Variants in SCD5 observed in about 807,000 individuals in gnomAD.
SCD5 encodes acyl-CoA-desaturase 4.
Under a neutral mutation model 30.4 loss-of-function variants are expected in SCD5, and 20 were observed. That is an observed-to-expected ratio of 0.66 (90% CI 0.46 to 0.96). The LOEUF is 0.96. Ranked by LOEUF, SCD5 falls within the 40% of genes least tolerant of loss-of-function variation. The pLI is 0.00. For synonymous variants in SCD5, 173 were observed against 176.4 expected (o/e 0.98, Z 0.16); for missense variants, 381 against 443.3 (o/e 0.86, Z 1.26).
intron 2 of SCD5, among the ~76,000 whole-genome samples, chr4:82,704,719 GA>G (rs34270773): frequency 0.053 from 8,040 of 152,282 alleles, 284 homozygotes; most frequent in East Asian, 0.12. Flanking sequence ...ACTTCAGATG[GA>G]ATAGTCTTTC....
chr4:82,728,513 T>G (rs774004256), intron 1 of SCD5, among the ~76,000 whole-genome samples: 1 of 152,204 alleles, frequency 6.6e-6, no homozygotes, highest in Non-Finnish European at 1.5e-5. Flanking sequence ...ATTGCTCCTA[T>G]AGATAACATC....
intron 1 of SCD5, among the ~76,000 whole-genome samples, chr4:82,722,928 C>T (rs1220264922): frequency 6.6e-6 from 1 of 151,424 alleles, no homozygotes; most frequent in Non-Finnish European, 1.5e-5. Flanking sequence ...ATTACAAAAA[C>T]TAGCCGGGCA....
chr4:82,679,759 G>C (rs1185871873), intron 3 of SCD5, among the ~76,000 whole-genome samples: 1 of 152,170 alleles, frequency 6.6e-6, no homozygotes, highest in African/African-American at 2.4e-5. Flanking sequence ...TGGGGGGAAA[G>C]AGCACAGTCC....
chr4:82,664,460 T>C (rs1360427951), intron 3 of SCD5, among the ~76,000 whole-genome samples: 1 of 152,026 alleles, frequency 6.6e-6, no homozygotes, highest in Non-Finnish European at 1.5e-5. Flanking sequence ...GGAACAAAAA[T>C]CATTGTCCAG....
chr4:82,684,676 C>T (rs1209369805), intron 2 of SCD5, among the ~76,000 whole-genome samples: 1 of 152,200 alleles, frequency 6.6e-6, no homozygotes, highest in African/African-American at 2.4e-5. Flanking sequence ...GCCCAACCAT[C>T]TCAACCTTGG....
chr4:82,658,771 T>A lies in SCD5; in HGVS notation c.569+21936A>T, dbSNP rs1727922641. On this transcript the variant is annotated intron_variant, in intron 3 of 4. Coordinates refer to ENST00000319540, the MANE Select transcript of SCD5 (RefSeq NM_001037582.3). ...CTGAGGATTTTTGCATCAATGTTCATCAGGGATATTGGCCTGATATTTTCT... is the reference window on the plus strand; with the variant it reads ...CTGAGGATTTTTGCATCAATGTTCAACAGGGATATTGGCCTGATATTTTCT... Among the ~76,000 whole-genome samples the A allele has an allele frequency of 2.0e-5, 3 of 151,942 alleles. No homozygotes were observed. In the South Asian group the frequency reaches 6.2e-4, roughly 32 times the overall value.
chr4:82,658,563 T>C (rs1412045654), intron 3 of SCD5, among the ~76,000 whole-genome samples: 1 of 147,480 alleles, frequency 6.8e-6, no homozygotes, highest in Non-Finnish European at 1.5e-5. Flanking sequence ...GCCTCCCAGG[T>C]TCAAGTGATT....
chr4:82,767,607 C>G (rs1328186142), intron 1 of SCD5, among the ~76,000 whole-genome samples: 9 of 152,178 alleles, frequency 5.9e-5, no homozygotes, highest in Non-Finnish European at 1.2e-4. Context: ...CCCTGTTACT[C>G]CATCTTGGCT....
chr4:82,654,367 C>T (rs1280443009), intron 3 of SCD5, among the ~76,000 whole-genome samples: 1 of 152,152 alleles, frequency 6.6e-6, no homozygotes, highest in Non-Finnish European at 1.5e-5. Flanking sequence ...ACAATGATTT[C>T]TTTGGTCTCT....
intron 3 of SCD5, among the ~76,000 whole-genome samples, chr4:82,667,507 G>C (rs1410682916): frequency 1.3e-5 from 2 of 152,108 alleles, no homozygotes; most frequent in African/African-American, 4.8e-5. Context: ...AATCATCTCT[G>C]TCTTGTATCC....
chr4:82,648,300 T>C lies in SCD5; in HGVS notation c.570-11477A>G, dbSNP rs150571983. ...GATTGCAAACCTGGAGGCTGAGAGG[T>C]GTCTCAGGCTCCAGCATCAACAGAG... On this transcript the variant is annotated intron_variant, in intron 3 of 4. Transcript: ENST00000319540. Among the ~76,000 whole-genome samples, 7 of 152,250 alleles carry C rather than the reference T, an allele frequency of 4.6e-5. No individual in the cohort carries two copies. In the East Asian group the frequency reaches 1.4e-3, roughly 29 times the overall value.
chr4:82,662,994 T>A lies in SCD5; in HGVS notation c.569+17713A>T, dbSNP rs1481725645. Among the ~76,000 whole-genome samples the A allele has an allele frequency of 3.3e-5, 5 of 152,124 alleles. No individual in the cohort carries two copies. In the East Asian group the frequency reaches 9.6e-4, roughly 29 times the overall value. On this transcript the variant is annotated intron_variant, in intron 3 of 4. Transcript: ENST00000319540. ...TTACAGTATTCTGTTAGATGAAAAA[T>A]GCAGACTATAAAATAGGATGCAGAG...
chr4:82,674,496 C>G (rs183453897), intron 3 of SCD5, among the ~76,000 whole-genome samples: 27 of 152,246 alleles, frequency 1.8e-4, no homozygotes, highest in African/African-American at 6.0e-4. Context: ...GATTTTGGAG[C>G]AACAGAAATT....
In SCD5 at chr4:82,680,792, GAACA is replaced by G. The variant is rs1232494958; in HGVS notation, c.480_483del (p.Val161AlafsTer128). On this transcript the variant is annotated frameshift_variant, in exon 3 of 5. Coordinates refer to ENST00000319540, the MANE Select transcript of SCD5 (RefSeq NM_001037582.3). LOFTEE classifies it high-confidence loss of function. ...TTCTCAATAACATCTCGATGCTTGC[GAACA>G]AACAGCCACCCAATATGGGAGAAGA... The G allele has an allele frequency of 1.9e-6, 3 of 1,613,528 alleles. No individual in the cohort carries two copies. The highest frequency in any genetic ancestry group is 1.7e-5 in the Admixed American group (1 of 59,944).
chr4:82,669,615 A>T (rs1728264437), intron 3 of SCD5, among the ~76,000 whole-genome samples: 1 of 152,196 alleles, frequency 6.6e-6, no homozygotes, highest in Admixed American at 6.5e-5. Context: ...TAAAATCTCC[A>T]AGGGGGATCT....
rs1426328474 is a variant in SCD5 at position 82,698,487 on chromosome 4, G to GGCTT, written c.363+6792_363+6795dup. On this transcript the variant is annotated intron_variant, in intron 2 of 4. Coordinates refer to ENST00000319540, the MANE Select transcript of SCD5 (RefSeq NM_001037582.3). ...TTGGGGTCTCCTGACTGTGTTCTGAGGCTTACTCAAGCCATGGAAACGCAT... is the reference window on the plus strand; with the variant it reads ...TTGGGGTCTCCTGACTGTGTTCTGAGGCTTGCTTACTCAAGCCATGGAAACGCAT... Among the ~76,000 whole-genome samples the GGCTT allele has an allele frequency of 1.1e-4, 16 of 152,314 alleles. No homozygotes were observed. In the East Asian group the frequency reaches 2.5e-3, roughly 24 times the overall value.
intron 1 of SCD5, among the ~76,000 whole-genome samples, chr4:82,769,314 C>A (rs954664860): frequency 1.3e-5 from 2 of 152,138 alleles, no homozygotes; most frequent in African/African-American, 2.4e-5. Flanking sequence ...ATACTCTGTC[C>A]TTTAATAGGA....
chr4:82,789,552 G>A (rs916878130), intron 1 of SCD5, among the ~76,000 whole-genome samples: 13 of 152,184 alleles, frequency 8.5e-5, no homozygotes, highest in African/African-American at 3.1e-4. Context: ...ACCACACTTT[G>A]AGTAGCAAGG....
chr4:82,647,690 A>T (rs1404183010), intron 3 of SCD5, among the ~76,000 whole-genome samples: 1 of 152,174 alleles, frequency 6.6e-6, no homozygotes, highest in Non-Finnish European at 1.5e-5. Context: ...ACCCTGATAG[A>T]TCTCCTCTCA....
Sources: allele counts gnomAD v4.1 joint callset (sites outside exome capture counted in the v4.1 genomes callset), GRCh38; gene constraint gnomAD v4.1.1; transcripts MANE v1.5; gene names NCBI Gene and HGNC (gene_info 2026-07-23, HGNC 2026-07-21).